The following NPAS3 variants were observed in gnomAD, a reference collection of about 807,000 sequenced individuals.
NPAS3 encodes neuronal PAS domain-containing protein 3.
Under a neutral mutation model 73.1 loss-of-function variants are expected in NPAS3, and 14 were observed. The observed-to-expected ratio is 0.19, with a 90% CI of 0.13 to 0.30. The LOEUF (loss-of-function observed/expected upper bound fraction) is 0.30, where lower values mean the gene tolerates loss of function less well. Among genes scored for constraint, NPAS3 ranks in the 10% least tolerant of loss-of-function variants. The pLI is 1.00. For missense variants in NPAS3, 1,096 were observed against 1,250.0 expected (o/e 0.88, Z 1.86); for synonymous variants, 620 against 541.5 (o/e 1.14, Z -2.01).
At chr14:33,241,366 A>T (rs545110652) in intron 3 of NPAS3, among the ~76,000 whole-genome samples, 1 of 152,108 alleles carries the variant, frequency 6.6e-6, no homozygotes, top group East Asian at 1.9e-4. Flanking sequence ...GAGCGCATCA[A>T]AGGTGTTTAA....
intron 1 of NPAS3, among the ~76,000 whole-genome samples, chr14:32,973,939 G>A (rs2037545364): frequency 6.6e-6 from 1 of 152,206 alleles, no homozygotes; most frequent in African/African-American, 2.4e-5. Context: ...TAACTTTAGT[G>A]AATATATTTT....
chr14:33,177,854 G>T (rs1170246867), intron 2 of NPAS3, among the ~76,000 whole-genome samples: 1 of 152,090 alleles, frequency 6.6e-6, no homozygotes, highest in Non-Finnish European at 1.5e-5. Flanking sequence ...TAATCCATTG[G>T]TCTATATGTC....
chr14:33,340,551 T>C (rs1453675500), intron 3 of NPAS3, among the ~76,000 whole-genome samples: 1 of 152,242 alleles, frequency 6.6e-6, no homozygotes, highest in East Asian at 1.9e-4. Flanking sequence ...GTTAATTTAT[T>C]AGTTATTAAC....
chr14:33,027,024 C>T (rs1344977880), intron 1 of NPAS3, among the ~76,000 whole-genome samples: 1 of 152,142 alleles, frequency 6.6e-6, no homozygotes, highest in Non-Finnish European at 1.5e-5. Flanking sequence ...ATGTGATGTG[C>T]TTCATGCCCT....
At chr14:33,198,244 A>AG in intron 2 of NPAS3, among the ~76,000 whole-genome samples, 1 of 152,130 alleles carries the variant, frequency 6.6e-6, no homozygotes, top group Non-Finnish European at 1.5e-5. Context: ...ACAGCATGGA[A>AG]GGGGACCCAA....
At chr14:33,418,362 T>A (rs539065923) in intron 4 of NPAS3, among the ~76,000 whole-genome samples, 1 of 152,018 alleles carries the variant, frequency 6.6e-6, no homozygotes, top group South Asian at 2.1e-4. Flanking sequence ...AGAATGATAA[T>A]AGATAGTAGG....
intron 6 of NPAS3, among the ~76,000 whole-genome samples, chr14:33,729,536 G>A (rs1744422296): frequency 6.6e-6 from 1 of 152,130 alleles, no homozygotes; most frequent in African/African-American, 2.4e-5. Context: ...ATGGCAGCCG[G>A]AGCACAGTCA....
chr14:33,640,573 A>T (rs1387327399), intron 5 of NPAS3, among the ~76,000 whole-genome samples: 1 of 152,236 alleles, frequency 6.6e-6, no homozygotes, highest in Non-Finnish European at 1.5e-5. Flanking sequence ...TTCAACCATG[A>T]TATCTATATA....
intron 2 of NPAS3, among the ~76,000 whole-genome samples, chr14:33,099,063 G>T (rs187920450): frequency 9.2e-5 from 14 of 152,250 alleles, no homozygotes; most frequent in Non-Finnish European, 1.8e-4. Context: ...CAAAGCCCTG[G>T]CAGGCAAGGT....
At chr14:33,166,835 T>C (rs1051965752) in intron 2 of NPAS3, among the ~76,000 whole-genome samples, 4 of 152,200 alleles carry the variant, frequency 2.6e-5, no homozygotes, top group African/African-American at 4.8e-5. Context: ...TTAAAGAGTA[T>C]GGAAATTGAG....
At chr14:33,128,423 T>C (rs2043512686) in intron 2 of NPAS3, among the ~76,000 whole-genome samples, 1 of 152,190 alleles carries the variant, frequency 6.6e-6, no homozygotes, top group Non-Finnish European at 1.5e-5. Flanking sequence ...TTATCTTAAA[T>C]ATTGTTTGAA....
chr14:32,972,253 G>C (rs1468092821), intron 1 of NPAS3, among the ~76,000 whole-genome samples: 3 of 152,032 alleles, frequency 2.0e-5, no homozygotes, highest in Non-Finnish European at 4.4e-5. Flanking sequence ...TGGGACTCTT[G>C]ATCAGCCTGA....
At chr14:33,708,498 G>C (rs931207985) in intron 6 of NPAS3, among the ~76,000 whole-genome samples, 17 of 152,200 alleles carry the variant, frequency 1.1e-4, no homozygotes, top group Non-Finnish European at 1.8e-4. Context: ...GGAAGGCAAT[G>C]AGTAGGAATA....
chr14:33,091,719 TCAGTAAAATACTGG>T (rs1452048123), intron 2 of NPAS3, among the ~76,000 whole-genome samples: 1 of 152,152 alleles, frequency 6.6e-6, no homozygotes, highest in African/African-American at 2.4e-5. Context: ...GCAAAAATCC[TCAGTAAAATACTGG>T]CAAACCGAAT....
intron 2 of NPAS3, among the ~76,000 whole-genome samples, chr14:33,140,083 T>C (rs1272567140): frequency 1.3e-5 from 2 of 152,214 alleles, no homozygotes; most frequent in Non-Finnish European, 2.9e-5. Flanking sequence ...TAAAACATTT[T>C]TCGGTAGGCC....
chr14:33,552,327 C>T (rs552372390), intron 4 of NPAS3, among the ~76,000 whole-genome samples: 1 of 152,262 alleles, frequency 6.6e-6, no homozygotes, highest in South Asian at 2.1e-4. Context: ...TCAGCTCTAC[C>T]ACATGTTAGT....
At chr14:33,144,584 C>G (rs546005754) in intron 2 of NPAS3, among the ~76,000 whole-genome samples, 1 of 152,126 alleles carries the variant, frequency 6.6e-6, no homozygotes, top group South Asian at 2.1e-4. Flanking sequence ...CTCTATCATC[C>G]GGGCAGGAGT....
chr14:33,079,667 A>G (rs1200577767), intron 2 of NPAS3, among the ~76,000 whole-genome samples: 1 of 123,512 alleles, frequency 8.1e-6, no homozygotes, highest in Non-Finnish European at 1.6e-5. Flanking sequence ...GCTGGAGTGC[A>G]GTGGTGCCAT....
intron 4 of NPAS3, among the ~76,000 whole-genome samples, chr14:33,469,407 GTATAAT>G (rs1326168276): frequency 6.6e-6 from 1 of 151,994 alleles, no homozygotes; most frequent in African/African-American, 2.4e-5. Context: ...TATGAGGCAG[GTATAAT>G]TATATCCATT....
Sources: allele counts gnomAD v4.1 joint callset (sites outside exome capture counted in the v4.1 genomes callset), GRCh38; gene constraint gnomAD v4.1.1; transcripts MANE v1.5; gene names NCBI Gene and HGNC (gene_info 2026-07-23, HGNC 2026-07-21).